RTTN: variants seen among roughly 807,000 people sequenced by gnomAD.
RTTN encodes rotatin.
Under a neutral mutation model 269.2 loss-of-function variants are expected in RTTN, and 182 were observed. That is an observed-to-expected ratio of 0.68 (90% confidence interval 0.60 to 0.76). The LOEUF (loss-of-function observed/expected upper bound fraction) is 0.76. RTTN is among the 30% of genes least tolerant of loss of function. RTTN has a pLI of 0.00. For synonymous variants in RTTN, 1,006 were observed against 963.5 expected, an observed-to-expected ratio of 1.04 and a Z score of -0.82; for missense variants, 2,545 against 2,608.6, an observed-to-expected ratio of 0.98 and a Z score of 0.53.
intron 46 of RTTN, among the ~76,000 whole-genome samples, chr18:70,012,814 G>A (rs2056429214): frequency 6.6e-6 from 1 of 152,172 alleles, no homozygotes; most frequent in Non-Finnish European, 1.5e-5. Flanking sequence ...CTACTCACTG[G>A]TATTAGACCA....
At chr18:70,020,531 T>C in intron 45 of RTTN, 84 bp downstream of exon 45, 6 of 1,245,810 alleles carry the variant, frequency 4.8e-6, no homozygotes, top group Non-Finnish European at 6.8e-6. Context: ...ATAATAATCT[T>C]AGAAATTGAG....
At chr18:70,058,565 AT>A (rs1164147432) in intron 36 of RTTN, among the ~76,000 whole-genome samples, 1 of 152,158 alleles carries the variant, frequency 6.6e-6, no homozygotes, top group Admixed American at 6.6e-5. Flanking sequence ...AACAAGTAGG[AT>A]TTTTTTAAAG....
chr18:70,157,142 C>T (rs560325780), intron 14 of RTTN, among the ~76,000 whole-genome samples: 1 of 147,080 alleles, frequency 6.8e-6, no homozygotes, highest in African/African-American at 2.5e-5. Context: ...CCCATGGTTA[C>T]CCCCACCACA....
At chr18:70,141,322 T>C (rs927062901) in intron 19 of RTTN, among the ~76,000 whole-genome samples, 3 of 152,148 alleles carry the variant, frequency 2.0e-5, no homozygotes, top group Non-Finnish European at 4.4e-5. Context: ...GGGGAAAAAT[T>C]CAAAACTAAC....
At chr18:70,058,244 C>T (rs887980541) in intron 36 of RTTN, among the ~76,000 whole-genome samples, 4 of 152,158 alleles carry the variant, frequency 2.6e-5, no homozygotes, top group Admixed American at 1.3e-4. Flanking sequence ...AGGCCGGGTG[C>T]GGTGGCTCAC....
chr18:70,005,336 C>T (rs1334917622), intron 47 of RTTN, 69 bp from the exon 48 acceptor site: 2 of 1,045,332 alleles, frequency 1.9e-6, no homozygotes, highest in African/African-American at 1.6e-5. Flanking sequence ...ACTAATTCTG[C>T]CCATTGCTAA....
intron 47 of RTTN, 53 bp downstream of exon 47, chr18:70,006,328 G>A (rs1314415754): frequency 2.4e-6 from 3 of 1,250,646 alleles, no homozygotes; most frequent in South Asian, 2.4e-5. Flanking sequence ...TTTATACCTG[G>A]GTTATACCTT....
chr18:70,167,732 T>C (rs1171685909), intron 12 of RTTN, among the ~76,000 whole-genome samples: 1 of 149,078 alleles, frequency 6.7e-6, no homozygotes, highest in African/African-American at 2.5e-5. Context: ...CAGAAATACT[T>C]CAACTTAAAG....
At chr18:70,180,147 G>T (rs1351711041) in intron 10 of RTTN, among the ~76,000 whole-genome samples, 1 of 151,710 alleles carries the variant, frequency 6.6e-6, no homozygotes, top group African/African-American at 2.4e-5. Context: ...TATTTTATTT[G>T]CTTGGCCAAA....
At chr18:70,202,008 T>G in intron 3 of RTTN, 25 bp from the exon 4 acceptor site, 1 of 1,306,978 alleles carries the variant, frequency 7.7e-7, no homozygotes, top group Non-Finnish European at 1.1e-6. Flanking sequence ...AACATTACTG[T>G]ATTGTCGATT....
At chr18:70,196,076 C>A (rs897731604) in intron 7 of RTTN, among the ~76,000 whole-genome samples, 1 of 152,204 alleles carries the variant, frequency 6.6e-6, no homozygotes, top group African/African-American at 2.4e-5. Context: ...CAACACTTGA[C>A]TACATTGCAA....
intron 27 of RTTN, among the ~76,000 whole-genome samples, chr18:70,114,155 G>A (rs2059544570): frequency 6.6e-6 from 1 of 152,064 alleles, no homozygotes; most frequent in Non-Finnish European, 1.5e-5. Flanking sequence ...GACTGCTCAA[G>A]TAGATTTGTA....
chr18:70,145,927 T>A, intron 17 of RTTN, 144 bp from the exon 18 acceptor site: 1 of 501,714 alleles, frequency 2.0e-6, no homozygotes, highest in East Asian at 3.3e-5. Flanking sequence ...TAATTTACTT[T>A]TTCTACTAAA....
chr18:70,087,738 C>T (rs1249057194), intron 31 of RTTN, among the ~76,000 whole-genome samples: 3 of 152,082 alleles, frequency 2.0e-5, no homozygotes, highest in Non-Finnish European at 4.4e-5. Context: ...AACTACCTTT[C>T]AATGCATAAT....
At chr18:70,074,032 C>T (rs767317661) in intron 33 of RTTN, 38 bp from the exon 34 acceptor site, 11 of 1,345,542 alleles carry the variant, frequency 8.2e-6, no homozygotes, top group Non-Finnish European at 1.2e-5. Context: ...GGACACCCTC[C>T]TAGGAACTGT....
chr18:70,127,560 AACCC>A lies in RTTN; in HGVS notation c.3321_3324del (p.Lys1107AsnfsTer10). 1 of 1,613,560 alleles carries A rather than the reference AACCC, an allele frequency of 6.2e-7. No individual in the cohort carries two copies. Among genetic ancestry groups the A allele is most frequent in the Non-Finnish European group, 8.5e-7 (1 of 1,179,710 alleles). On this transcript the variant is annotated frameshift_variant, in exon 25 of 49. Coordinates refer to ENST00000640769, the MANE Select transcript of RTTN (RefSeq NM_173630.4). LOFTEE classifies it high-confidence loss of function. The stretch of plus-strand genomic sequence containing the variant: ...AAGGTAACCCCACATGGACCAGGGC[AACCC>A]TTTAAAGACAATCTGTCATTCAGAA...
chr18:70,114,686 A>G (rs1246102320), intron 26 of RTTN, 87 bp from the exon 27 acceptor site: 1 of 1,197,106 alleles, frequency 8.4e-7, no homozygotes, highest in African/African-American at 1.5e-5. Context: ...AGCAAGTTCT[A>G]GTAAGAGCTA....
intron 28 of RTTN, among the ~76,000 whole-genome samples, chr18:70,098,924 A>G (rs1024594857): frequency 6.6e-6 from 1 of 152,196 alleles, no homozygotes; most frequent in African/African-American, 2.4e-5. Flanking sequence ...TAGTTTGCTG[A>G]GAACGATGGT....
chr18:70,202,234 G>A (rs1381549685), intron 3 of RTTN, among the ~76,000 whole-genome samples: 1 of 152,120 alleles, frequency 6.6e-6, no homozygotes, highest in Non-Finnish European at 1.5e-5. Context: ...TTGTTAGAAT[G>A]TACACGAAGA....
Sources: allele counts gnomAD v4.1 joint callset (sites outside exome capture counted in the v4.1 genomes callset), GRCh38; gene constraint gnomAD v4.1.1; transcripts MANE v1.5; gene names NCBI Gene and HGNC (gene_info 2026-07-23, HGNC 2026-07-21).